Variants in CD276 observed in about 807,000 individuals in gnomAD.
The protein encoded by CD276 is CD276 antigen.
In CD276, 34 loss-of-function variants were observed where a neutral mutation model predicts 50.0. The observed-to-expected ratio is 0.68, with a 90% CI of 0.52 to 0.91. The LOEUF is 0.91. CD276 is among the 40% of genes least tolerant of loss of function. The pLI, the probability that CD276 is intolerant of heterozygous loss-of-function variation, is 0.00. For synonymous variants in CD276, 275 were observed against 313.0 expected, an observed-to-expected ratio of 0.88 and a Z score of 1.28; for missense variants, 634 against 717.5, an observed-to-expected ratio of 0.88 and a Z score of 1.33.
chr15:73,702,223 C>T, intron 2 of CD276, 32 bp from the exon 3 acceptor site: 4 of 1,538,738 alleles, frequency 2.6e-6, no homozygotes, highest in Non-Finnish European at 3.5e-6. Context: ...CCTCAGTCCC[C>T]CTTATATGTT....
intron 3 of CD276, 52 bp from the exon 4 acceptor site, chr15:73,702,720 T>A: frequency 1.3e-6 from 2 of 1,583,458 alleles, no homozygotes; most frequent in Non-Finnish European, 1.7e-6. Context: ...ATGCATCCTT[T>A]TCGTCCTCTG....
Position 73,704,886 on chromosome 15 carries a change from C to A in CD276, c.1369+414C>A, listed in dbSNP as rs945366338. ...TCTGAAGCCTGAGTGACAGCTGGCCCTCCCTAGTTAGTCCCCAACACCTGA... is the reference window on the plus strand; with the variant it reads ...TCTGAAGCCTGAGTGACAGCTGGCCATCCCTAGTTAGTCCCCAACACCTGA... On this transcript the variant is annotated intron_variant, in intron 6 of 9. Transcript: ENST00000318443. This position sits in a 1 kb window ranked among gnomAD's most constrained non-coding sequence, Gnocchi z 4.1. 6.6e-6 allele frequency among the ~76,000 whole-genome samples: 1 copy of A among 152,160 alleles called. No individual in the cohort carries two copies. Among genetic ancestry groups the A allele is most frequent in the African/African-American group, 2.4e-5 (1 of 41,432 alleles).
Position 73,712,949 on chromosome 15 carries a change from T to C in CD276, c.1598T>C (p.Ile533Thr), listed in dbSNP as rs757392332. 28 of 1,613,768 alleles carry C rather than the reference T, an allele frequency of 1.7e-5. No homozygotes were observed. The South Asian group carries it at 2.7e-4, about 16-fold the overall frequency. ...TGAAATGAAGATGATGGACAAGAAA[T>C]AGCCTGACCATGAGGACCAGGGAGC... ...SDSKEDDGQE[I>T]A Residue 533 changes from isoleucine to threonine, a missense_variant, in exon 10 of 10, where the codon ATA (isoleucine) becomes ACA (threonine). Coordinates refer to ENST00000318443, the MANE Select transcript of CD276 (RefSeq NM_001024736.2).
At chr15:73,690,086 C>G (rs545001225) in intron 1 of CD276, among the ~76,000 whole-genome samples, 1 of 152,344 alleles carries the variant, frequency 6.6e-6, no homozygotes, top group Admixed American at 6.5e-5. Flanking sequence ...TGCATTCACT[C>G]TCAGGCATCC....
At chr15:73,709,200 G>A (rs547870080) in intron 7 of CD276, among the ~76,000 whole-genome samples, 6 of 152,262 alleles carry the variant, frequency 3.9e-5, no homozygotes, top group South Asian at 2.1e-4. Flanking sequence ...CTGAGCGAGC[G>A]GATGGGTGAG....
Position 73,703,881 on chromosome 15 carries a change from C to A in CD276, c.956C>A (p.Ala319Glu). ...NRTALFPDLL[A>E]QGNASLRLQR... ...ACGGCCCTCTTCCCGGACCTGCTGG[C>A]ACAAGGCAATGCATCCCTGAGGCTG... Residue 319 changes from alanine (A) to glutamate (E), a missense_variant, in exon 5 of 10, where the codon GCA (alanine) becomes GAA (glutamate). Ala to Glu is a moderately radical substitution (Grantham distance 107, BLOSUM62 -1). Coordinates refer to ENST00000318443, the MANE Select transcript of CD276 (RefSeq NM_001024736.2). 6.2e-7 allele frequency: 1 copy of A among 1,613,722 alleles called. No individual in the cohort carries two copies. Among genetic ancestry groups the A allele is most frequent in the Non-Finnish European group, 8.5e-7 (1 of 1,180,004 alleles).
At chr15:73,712,904 C>A (rs771508276) in intron 9 of CD276, 30 bp from the exon 10 acceptor site, 17 of 1,612,176 alleles carry the variant, frequency 1.1e-5, no homozygotes, top group Non-Finnish European at 8.5e-7. Flanking sequence ...TTTTCCCTTC[C>A]CTTTTTTTTC....
chr15:73,692,316 C>T (rs548420327), intron 1 of CD276, among the ~76,000 whole-genome samples: 133 of 152,288 alleles, frequency 8.7e-4, no homozygotes, highest in African/African-American at 3.0e-3. Context: ...AAAAACTGGT[C>T]ATATTCTATT....
intron 1 of CD276, among the ~76,000 whole-genome samples, chr15:73,685,482 TG>T (rs1899718186): frequency 7.4e-6 from 1 of 134,758 alleles, no homozygotes; most frequent in East Asian, 2.3e-4. Context: ...TGTGTGTGTG[TG>T]TGTGTGTGTG....
At chr15:73,690,470 A>G (rs1393145917) in intron 1 of CD276, among the ~76,000 whole-genome samples, 1 of 152,196 alleles carries the variant, frequency 6.6e-6, no homozygotes, top group African/African-American at 2.4e-5. Context: ...AAAGAAAAAA[A>G]GGTTATTTGG....
chr15:73,694,209 C>A (rs552138518), intron 1 of CD276, among the ~76,000 whole-genome samples: 15 of 152,196 alleles, frequency 9.9e-5, no homozygotes, highest in Admixed American at 7.2e-4. Context: ...ATTGCTCAAG[C>A]CTTCAGTGCC....
chr15:73,711,331 AAC>A, intron 9 of CD276, 161 bp downstream of exon 9: 1 of 710,994 alleles, frequency 1.4e-6, no homozygotes, highest in South Asian at 1.7e-5. Context: ...AGGGCTGAGT[AAC>A]CAAGGTCCCA....
chr15:73,693,762 T>C (rs1900068487), intron 1 of CD276, among the ~76,000 whole-genome samples: 1 of 152,128 alleles, frequency 6.6e-6, no homozygotes, highest in Admixed American at 6.5e-5. Context: ...TGTTGTGGGC[T>C]GTATTGGGAG....
chr15:73,701,299 G>A (rs1354943905), intron 2 of CD276, among the ~76,000 whole-genome samples: 1 of 152,086 alleles, frequency 6.6e-6, no homozygotes, highest in Non-Finnish European at 1.5e-5. Context: ...AGGGACAGCT[G>A]AAACCGCCCC....
intron 2 of CD276, among the ~76,000 whole-genome samples, chr15:73,700,120 G>A (rs182457757): frequency 7.6e-4 from 116 of 151,976 alleles, no homozygotes; most frequent in Non-Finnish European, 1.5e-3. Flanking sequence ...GCACACCTCC[G>A]CTCCTCCCTC....
At position 73,708,482 on chromosome 15, in the gene CD276, G is replaced by T. The variant is rs1567023177; in HGVS notation, c.1504+9G>T. ...TGAGGAGGAGAATGCAGGTGAGTGT[G>T]TGTGTATGTGTGTGCGTGCGCATGC... On this transcript the variant is annotated intron_variant, in intron 7 of 9. Coordinates refer to ENST00000318443, the MANE Select transcript of CD276 (RefSeq NM_001024736.2). 6.2e-7 allele frequency: 1 copy of T among 1,610,338 alleles called. No homozygotes were observed. Among genetic ancestry groups the T allele is most frequent in the Non-Finnish European group, 8.5e-7 (1 of 1,177,980 alleles).
chr15:73,691,526 C>G (rs1014592324), intron 1 of CD276, among the ~76,000 whole-genome samples: 1 of 152,112 alleles, frequency 6.6e-6, no homozygotes, highest in African/African-American at 2.4e-5. Context: ...AGCTCATTCT[C>G]GAACTAATCA....
At chr15:73,699,785 C>T (rs1407261311) in intron 2 of CD276, 67 bp downstream of exon 2, 8 of 1,508,926 alleles carry the variant, frequency 5.3e-6, no homozygotes, top group Non-Finnish European at 7.1e-6. Context: ...AGGGGGTGCC[C>T]ACGCCTGTTA....
chr15:73,711,078 T>C, intron 8 of CD276, 57 bp from the exon 9 acceptor site: 1 of 1,596,754 alleles, frequency 6.3e-7, no homozygotes, highest in South Asian at 1.1e-5. Context: ...CCTGACTCCC[T>C]ACCCCACCAC....
Sources: allele counts gnomAD v4.1 joint callset (sites outside exome capture counted in the v4.1 genomes callset), GRCh38; gene constraint gnomAD v4.1.1; non-coding constraint Gnocchi (gnomAD v3.1); transcripts MANE v1.5; gene names NCBI Gene and HGNC (gene_info 2026-07-23, HGNC 2026-07-21).